Variants in KTN1 observed in about 807,000 individuals in gnomAD.
The protein encoded by KTN1 is kinectin 1, also known as kinectin.
In KTN1, 130 loss-of-function variants were observed where a neutral mutation model predicts 222.5. The ratio of observed to expected loss-of-function variants is 0.58; its 90% confidence interval spans 0.51 to 0.68. The LOEUF (loss-of-function observed/expected upper bound fraction) is 0.68, where lower values mean the gene tolerates loss of function less well. Among genes scored for constraint, KTN1 ranks in the 30% least tolerant of loss-of-function variants. KTN1 has a pLI of 0.00. For missense variants in KTN1, 1,508 were observed against 1,500.4 expected, an observed-to-expected ratio of 1.01 and a Z score of -0.08; for synonymous variants, 512 against 496.3, an observed-to-expected ratio of 1.03 and a Z score of -0.42.
In KTN1 at chr14:55,644,819, A is replaced by C. The variant is rs532514461; in HGVS notation, c.2173-2154A>C. On this transcript the variant is annotated intron_variant, in intron 18 of 43. Transcript: ENST00000395314. The stretch of plus-strand genomic sequence containing the variant: ...AAACCAATAAAGTATGAAGTAAAGT[A>C]AAAATGTTGGAGGAGATGCAAACTA... Among the ~76,000 whole-genome samples the C allele has an allele frequency of 4.3e-4, 65 of 152,280 alleles. No homozygotes were observed. The Middle Eastern group carries it at 0.01, about 24-fold the overall frequency.
At chr14:55,580,697 C>T (rs1448269911) in intron 1 of KTN1, among the ~76,000 whole-genome samples, 1 of 152,104 alleles carries the variant, frequency 6.6e-6, no homozygotes, top group Non-Finnish European at 1.5e-5. Context: ...CGAGGTCGAC[C>T]CGAGCGGGCC....
chr14:55,674,146 G>T (rs540229270), intron 40 of KTN1: 1 of 152,092 alleles, frequency 6.6e-6, no homozygotes, highest in Admixed American at 6.6e-5. Flanking sequence ...TTCATTTGTG[G>T]TTGGTATCCT....
At chr14:55,626,940 T>C (rs1362252009) in intron 5 of KTN1, among the ~76,000 whole-genome samples, 1 of 152,126 alleles carries the variant, frequency 6.6e-6, no homozygotes, top group Non-Finnish European at 1.5e-5. Flanking sequence ...TTGTTTGTTG[T>C]TTCCCATGTC....
At position 55,625,303 on chromosome 14, in the gene KTN1, TAGTA is replaced by T. The variant is rs1051808358; in HGVS notation, c.964-2606_964-2603del. On this transcript the variant is annotated intron_variant, in intron 5 of 43. Transcript: ENST00000395314. ...AAGTGTAAACTATTATTGTAATTAT[TAGTA>T]AGAAAATGTTTAATTATTAATTTTT... Among the ~76,000 whole-genome samples the T allele has an allele frequency of 2.6e-5, 4 of 152,350 alleles. No individual in the cohort carries two copies. In the South Asian group the frequency reaches 6.2e-4, roughly 24 times the overall value.
At chr14:55,614,746 G>A (rs2038100703) in intron 2 of KTN1, among the ~76,000 whole-genome samples, 2 of 152,190 alleles carry the variant, frequency 1.3e-5, no homozygotes, top group South Asian at 4.1e-4. Context: ...AGTTGTACCA[G>A]AGACCATATG....
At position 55,667,343 on chromosome 14, in the gene KTN1, T is replaced by C; in HGVS notation, c.3267+13T>C. On this transcript the variant is annotated intron_variant, in intron 34 of 43. Coordinates refer to ENST00000395314, the MANE Select transcript of KTN1 (RefSeq NM_001079521.2). ...CCCTTCTAATTTGGTAAGACTAATT[T>C]ATTATTTTTTTAACATGATGACATT... 1 of 1,441,070 alleles carries C rather than the reference T, an allele frequency of 6.9e-7. No individual in the cohort carries two copies. Among genetic ancestry groups the C allele is most frequent in the Non-Finnish European group, 9.6e-7 (1 of 1,039,280 alleles). The allele number at this position is 1,441,070 out of a possible 1,614,324, so 89.3% of individuals were successfully genotyped here. A position where few individuals can be genotyped will look rare whatever the true frequency, so the allele number is the denominator to read the frequency against.
chr14:55,677,225 C>T (rs2045954503), intron 41 of KTN1, among the ~76,000 whole-genome samples: 1 of 152,134 alleles, frequency 6.6e-6, no homozygotes, highest in East Asian at 1.9e-4. Flanking sequence ...CCTGTAATCC[C>T]AGTACTTTGG....
At chr14:55,644,366 G>T (rs1368331008) in intron 18 of KTN1, 3 of 701,702 alleles carry the variant, frequency 4.3e-6, no homozygotes, top group African/African-American at 1.7e-5. Context: ...AAGATTGAGC[G>T]TATAAAAGCA....
chr14:55,649,731 T>A, intron 21 of KTN1, 45 bp from the exon 22 acceptor site: 1 of 1,154,636 alleles, frequency 8.7e-7, no homozygotes, highest in Non-Finnish European at 1.3e-6. Flanking sequence ...CTGACCCATT[T>A]CTATTTTGAA....
chr14:55,593,255 T>A (rs1222936502), intron 1 of KTN1, among the ~76,000 whole-genome samples: 1 of 152,162 alleles, frequency 6.6e-6, no homozygotes, highest in Non-Finnish European at 1.5e-5. Flanking sequence ...TCATAAAACA[T>A]CTGGTGTGAA....
chr14:55,591,804 G>A (rs1280995506), intron 1 of KTN1, among the ~76,000 whole-genome samples: 2 of 151,928 alleles, frequency 1.3e-5, no homozygotes, highest in Non-Finnish European at 2.9e-5. Context: ...TCGGACTCCC[G>A]ACCTCAGGTG....
At chr14:55,619,756 C>T (rs1376221939) in intron 5 of KTN1, among the ~76,000 whole-genome samples, 3 of 152,114 alleles carry the variant, frequency 2.0e-5, no homozygotes, top group Non-Finnish European at 2.9e-5. Flanking sequence ...CCTCCCACAA[C>T]ACATGGGAAT....
chr14:55,648,734 T>TA, intron 20 of KTN1, 68 bp from the exon 21 acceptor site: 1 of 1,004,044 alleles, frequency 1.0e-6, no homozygotes, highest in African/African-American at 1.6e-5. Flanking sequence ...GAGAAACTAA[T>TA]GTATTTTGAA....
intron 1 of KTN1, among the ~76,000 whole-genome samples, chr14:55,611,503 G>T (rs967857736): frequency 9.2e-5 from 14 of 152,030 alleles, no homozygotes; most frequent in African/African-American, 2.7e-4. Flanking sequence ...GAGGCTGATA[G>T]TCACTGGTGT....
chr14:55,630,232 C>A, intron 7 of KTN1, 135 bp downstream of exon 7: 1 of 734,728 alleles, frequency 1.4e-6, no homozygotes, highest in Non-Finnish European at 2.3e-6. Flanking sequence ...ACTCTGCGTC[C>A]TAAGTAAAAC....
At chr14:55,669,628 T>G (rs1268151911) in intron 34 of KTN1, among the ~76,000 whole-genome samples, 1 of 152,030 alleles carries the variant, frequency 6.6e-6, no homozygotes, top group Non-Finnish European at 1.5e-5. Flanking sequence ...ATTTACAAAC[T>G]TTAAGCAACA....
intron 1 of KTN1, 182 bp from the exon 2 acceptor site, chr14:55,611,837 A>G: frequency 6.3e-6 from 2 of 315,680 alleles, no homozygotes; most frequent in Non-Finnish European, 1.1e-5. Context: ...TATTTTTCAT[A>G]GTATATATGA....
rs1449054320 is a variant in KTN1 at position 55,580,281 on chromosome 14, C to CGT, written c.-104_-103insGT. On this transcript the variant is annotated 5_prime_UTR_variant, in exon 1 of 44. Transcript: ENST00000395314. ...GGCGGCGGCGGCGGCGGCGGCGGCG[C>CGT]CTCGGAGCGGGCGGCCCGGGCTGTA... 6.6e-6 allele frequency: 1 copy of CGT among 151,822 alleles called. No individual in the cohort carries two copies. The highest frequency in any genetic ancestry group is 1.9e-4 in the East Asian group (1 of 5,280). 9.4% of individuals were successfully genotyped at this position (151,822 alleles called of 1,614,324 possible).
At chr14:55,680,940 C>A in intron 43 of KTN1, 1 of 358,418 alleles carries the variant, frequency 2.8e-6, no homozygotes, top group Non-Finnish European at 5.5e-6. Flanking sequence ...AAACTTCCAT[C>A]GCTTCTTCCC....
Sources: gnomAD v4.1 joint callset for allele counts (sites outside exome capture counted in the v4.1 genomes callset) on GRCh38, gnomAD v4.1.1 for gene constraint, MANE v1.5 for transcripts, NCBI Gene and HGNC (gene_info 2026-07-23, HGNC 2026-07-21) for gene names.